GRM1: variants seen among roughly 807,000 people sequenced by gnomAD.
GRM1 encodes the protein glutamate metabotropic receptor 1.
In GRM1, 33 loss-of-function variants were observed where a neutral mutation model predicts 90.9. The observed-to-expected ratio is 0.36, with a 90% CI of 0.28 to 0.49. The LOEUF is 0.49. Among genes scored for constraint, GRM1 ranks in the 20% least tolerant of loss-of-function variants. The probability of loss-of-function intolerance (pLI) is 0.99; values close to 1 mark genes in which losing one functional copy is unlikely to be tolerated. For synonymous variants in GRM1, 700 were observed against 613.2 expected, an observed-to-expected ratio of 1.14 and a Z score of -2.09; for missense variants, 1,190 against 1,534.3, an observed-to-expected ratio of 0.78 and a Z score of 3.75.
chr6:146,385,054 G>A (rs1776453153), intron 5 of GRM1, among the ~76,000 whole-genome samples: 1 of 152,048 alleles, frequency 6.6e-6, no homozygotes. Flanking sequence ...GCTTCAAAAG[G>A]CTGGGAGAGT....
intron 2 of GRM1, among the ~76,000 whole-genome samples, chr6:146,198,269 T>C (rs1779187137): frequency 6.6e-6 from 1 of 152,204 alleles, no homozygotes; most frequent in Non-Finnish European, 1.5e-5. Flanking sequence ...TCTATGGTAG[T>C]CTATAGTCAT....
intron 1 of GRM1, among the ~76,000 whole-genome samples, chr6:146,116,463 T>A (rs999944371): frequency 1.3e-5 from 2 of 152,194 alleles, no homozygotes; most frequent in South Asian, 4.1e-4. Context: ...TATTTGGTAA[T>A]TGAATAATAT....
chr6:146,359,028 A>C (rs1264049764), intron 5 of GRM1, among the ~76,000 whole-genome samples: 1 of 152,200 alleles, frequency 6.6e-6, no homozygotes, highest in African/African-American at 2.4e-5. Flanking sequence ...GAGTTGGTGG[A>C]TCATGGGAAG....
intron 2 of GRM1, among the ~76,000 whole-genome samples, chr6:146,290,205 T>A (rs1782927995): frequency 6.6e-6 from 1 of 152,160 alleles, no homozygotes; most frequent in African/African-American, 2.4e-5. Context: ...AACAGATTAG[T>A]GCACTTTATG....
chr6:146,368,984 T>C (rs1775800686), intron 5 of GRM1, among the ~76,000 whole-genome samples: 1 of 152,088 alleles, frequency 6.6e-6, no homozygotes, highest in African/African-American at 2.4e-5. Context: ...CCAGGACTTT[T>C]CTTTGTTGAG....
At position 146,399,125 on chromosome 6, in the gene GRM1, C is replaced by T. The variant is rs1450433570; in HGVS notation, c.2086C>T (p.Arg696Trp). The T allele has an allele frequency of 1.9e-6, 3 of 1,614,060 alleles. No individual in the cohort carries two copies. Among genetic ancestry groups the T allele is most frequent in the Non-Finnish European group, 1.7e-6 (2 of 1,180,006 alleles). The part of the protein sequence containing the change: ...LAGSKKKICT[R>W]KPRFMSAWAQ... ...TGGCAGCAAGAAGAAGATCTGCACC[C>T]GGAAGCCCAGGTTCATGAGTGCCTG... Residue 696 changes from arginine (R) to tryptophan (W), a missense_variant, in exon 7 of 8, where the codon CGG becomes TGG. Arg to Trp is a moderately radical substitution (Grantham distance 101, BLOSUM62 -3). Transcript: ENST00000282753. The surrounding 1 kb of genome is among the most constrained non-coding windows in gnomAD (Gnocchi z 5.4).
intron 5 of GRM1, among the ~76,000 whole-genome samples, chr6:146,385,954 A>G (rs1049569601): frequency 2.6e-4 from 39 of 152,072 alleles, no homozygotes; most frequent in African/African-American, 9.2e-4. Flanking sequence ...CTAGTAAGCC[A>G]CTATGCAGAT....
At position 146,424,335 on chromosome 6, in the gene GRM1, C is replaced by T. The variant is rs1202378069; in HGVS notation, c.2661-9537C>T. On this transcript the variant is annotated intron_variant, in intron 7 of 7. Transcript: ENST00000282753. ...ACCCTGATCTTGTCGGGACTTATGC[C>T]CAACCCCTTGTCAATGGTGGAAAGT... Among the ~76,000 whole-genome samples the T allele has an allele frequency of 3.9e-5, 6 of 152,128 alleles. No homozygotes were observed. In the East Asian group the frequency reaches 1.2e-3, roughly 29 times the overall value.
chr6:146,230,000 G>A (rs556152127), intron 2 of GRM1, among the ~76,000 whole-genome samples: 7 of 152,212 alleles, frequency 4.6e-5, no homozygotes, highest in Non-Finnish European at 7.4e-5. Context: ...AGAAGCACAA[G>A]GCAACATGTC....
intron 2 of GRM1, among the ~76,000 whole-genome samples, chr6:146,260,057 C>T (rs1013391208): frequency 3.3e-5 from 5 of 151,056 alleles, no homozygotes; most frequent in African/African-American, 4.9e-5. Context: ...ATGTGCAGAA[C>T]GTGCAGGTTT....
intron 2 of GRM1, among the ~76,000 whole-genome samples, chr6:146,183,161 T>TA (rs1474482115): frequency 6.6e-6 from 1 of 152,114 alleles, no homozygotes; most frequent in Non-Finnish European, 1.5e-5. Context: ...ATCTATCGTC[T>TA]AGTCACTGGA....
chr6:146,285,138 ATG>A (rs1782710198), intron 2 of GRM1, among the ~76,000 whole-genome samples: 1 of 152,180 alleles, frequency 6.6e-6, no homozygotes, highest in Non-Finnish European at 1.5e-5. Context: ...TGATGGAGGC[ATG>A]TACCATTTCT....
At chr6:146,342,348 T>C (rs773467176) in intron 3 of GRM1, among the ~76,000 whole-genome samples, 2 of 152,358 alleles carry the variant, frequency 1.3e-5, no homozygotes, top group Non-Finnish European at 2.9e-5. Flanking sequence ...AGATTATATA[T>C]TGTCTGCAAT....
intron 1 of GRM1, among the ~76,000 whole-genome samples, chr6:146,061,963 A>G (rs1020537799): frequency 2.0e-5 from 3 of 152,116 alleles, no homozygotes; most frequent in African/African-American, 7.2e-5. Flanking sequence ...TAGAACCAGA[A>G]ATACTATTTG....
intron 1 of GRM1, among the ~76,000 whole-genome samples, chr6:146,054,983 G>A (rs2128850703): frequency 6.6e-6 from 1 of 152,086 alleles, no homozygotes; most frequent in South Asian, 2.1e-4. Flanking sequence ...GGAGCTGAGT[G>A]CTGGATGAGT....
intron 2 of GRM1, among the ~76,000 whole-genome samples, chr6:146,220,642 T>G (rs1490988179): frequency 6.6e-6 from 1 of 152,148 alleles, no homozygotes; most frequent in African/African-American, 2.4e-5. Context: ...TCTTACCCAT[T>G]CTTCCTTTAT....
chr6:146,173,149 G>A (rs2128895179), intron 2 of GRM1, among the ~76,000 whole-genome samples: 1 of 152,134 alleles, frequency 6.6e-6, no homozygotes, highest in South Asian at 2.1e-4. Context: ...CAGCACTCTG[G>A]GAGCCCAAGT....
chr6:146,186,359 A>G (rs1778732128), intron 2 of GRM1, among the ~76,000 whole-genome samples: 1 of 151,892 alleles, frequency 6.6e-6, no homozygotes. Context: ...TGAATTTTAC[A>G]TTTTTGCTGT....
At chr6:146,094,770 C>G (rs1776822765) in intron 1 of GRM1, among the ~76,000 whole-genome samples, 1 of 151,986 alleles carries the variant, frequency 6.6e-6, no homozygotes, top group African/African-American at 2.4e-5. Context: ...TGAGAATCTA[C>G]TATAGATTCA....
Sources: gnomAD v4.1 joint callset for allele counts (sites outside exome capture counted in the v4.1 genomes callset) on GRCh38, gnomAD v4.1.1 for gene constraint, Gnocchi (gnomAD v3.1) non-coding constraint, MANE v1.5 for transcripts, NCBI Gene and HGNC (gene_info 2026-07-23, HGNC 2026-07-21) for gene names.